PIWIL2: variants seen among roughly 807,000 people sequenced by gnomAD.
PIWIL2 encodes the protein piwi like RNA-mediated gene silencing 2, also known as piwi-like protein 2.
In PIWIL2, 81 loss-of-function variants were observed where a neutral mutation model predicts 116.5. That is an observed-to-expected ratio of 0.70 (90% CI 0.58 to 0.84). The LOEUF is 0.84. Ranked by LOEUF, PIWIL2 falls within the 40% of genes least tolerant of loss-of-function variation. The probability of loss-of-function intolerance (pLI) is 0.00; values close to 1 mark genes in which losing one functional copy is unlikely to be tolerated. For missense variants in PIWIL2, 1,272 were observed against 1,212.3 expected, an observed-to-expected ratio of 1.05 and a Z score of -0.73; for synonymous variants, 489 against 429.5, an observed-to-expected ratio of 1.14 and a Z score of -1.71.
Position 22,353,139 on chromosome 8 carries a change from C to G in PIWIL2, c.2584C>G (p.Leu862Val). 1 of 1,613,628 alleles carries G rather than the reference C, an allele frequency of 6.2e-7. No homozygotes were observed. Among genetic ancestry groups the G allele is most frequent in the African/African-American group, 1.3e-5 (1 of 75,034 alleles). The change falls in exon 21 of 23, where the codon CTG (leucine) becomes GTG (valine). Residue 862 changes from leucine (L) to valine (V), a missense_variant. Coordinates refer to ENST00000356766, the MANE Select transcript of PIWIL2 (RefSeq NM_018068.5). ...GAAGAAAATCAGTACTAATCTATAT[C>G]TGGCTGCTCCTCAGAACTTTGTAAC... The part of the protein sequence containing the change: ...VQKKISTNLY[L>V]AAPQNFVTPT...
chr8:22,352,620 G>T (rs1334513354), intron 20 of PIWIL2, among the ~76,000 whole-genome samples: 1 of 152,168 alleles, frequency 6.6e-6, no homozygotes, highest in Non-Finnish European at 1.5e-5. Flanking sequence ...TTAAATCCAA[G>T]TAGAAGGAAA....
At position 22,355,449 on chromosome 8, in the gene PIWIL2, C is replaced by T; in HGVS notation, c.2866C>T (p.His956Tyr). 3.1e-6 allele frequency: 5 copies of T among 1,614,144 alleles called. No homozygotes were observed. Among genetic ancestry groups the T allele is most frequent in the Non-Finnish European group, 3.4e-6 (4 of 1,179,988 alleles). The change falls in exon 23 of 23, where the codon CAC becomes TAC. Residue 956 changes from histidine (H) to tyrosine (Y), a missense_variant. Physicochemically the swap from His to Tyr is moderately conservative, Grantham distance 83. Coordinates refer to ENST00000356766, the MANE Select transcript of PIWIL2 (RefSeq NM_018068.5). ...CCACAAGCTAGCTTTCCTGTCAGGA[C>T]ACATCTTGCATCATGAACCAGCCAT... is the stretch of plus-strand genomic sequence containing the variant. ...YAHKLAFLSGHILHHEPAIQL... is the reference protein window; with the variant it reads ...YAHKLAFLSGYILHHEPAIQL...
Position 22,356,086 on chromosome 8 carries a change from A to AAAGCC in PIWIL2, c.*584_*588dup, listed in dbSNP as rs1431295817. ...GACTCTGTCTCAAAAAAAAAAAAAAAAAGCCAACATGAGCTGCAGAAACCA... is the reference window on the plus strand; with the variant it reads ...GACTCTGTCTCAAAAAAAAAAAAAAAAAGCCAAGCCAACATGAGCTGCAGAAACCA... On this transcript the variant is annotated 3_prime_UTR_variant, in exon 23 of 23. Coordinates refer to ENST00000356766, the MANE Select transcript of PIWIL2 (RefSeq NM_018068.5). 2.0e-5 allele frequency: 3 copies of AAAGCC among 152,510 alleles called. No individual in the cohort carries two copies. The highest frequency in any genetic ancestry group is 6.5e-5 in the Admixed American group (1 of 15,312). 9.4% of individuals were successfully genotyped at this position (152,510 alleles called of 1,614,324 possible).
At chr8:22,341,721 A>G (rs1832114920) in intron 20 of PIWIL2, among the ~76,000 whole-genome samples, 1 of 152,166 alleles carries the variant, frequency 6.6e-6, no homozygotes. Context: ...CTTTCCCCCT[A>G]AGATAGATGC....
At chr8:22,323,236 C>T (rs994643447) in intron 20 of PIWIL2, among the ~76,000 whole-genome samples, 14 of 151,252 alleles carry the variant, frequency 9.3e-5, no homozygotes, top group Non-Finnish European at 2.1e-4. Context: ...CAACCTCCGC[C>T]TCCCGGGTTC....
chr8:22,313,843 G>C (rs552369202), intron 16 of PIWIL2, among the ~76,000 whole-genome samples: 1 of 152,236 alleles, frequency 6.6e-6, no homozygotes, highest in South Asian at 2.1e-4. Context: ...TCATGAATTT[G>C]GCAATAGCTT....
At chr8:22,339,490 G>A (rs1046087514) in intron 20 of PIWIL2, among the ~76,000 whole-genome samples, 9 of 150,010 alleles carry the variant, frequency 6.0e-5, no homozygotes, top group Non-Finnish European at 1.3e-4. Context: ...CCTGGTGACA[G>A]AGTGAGACTC....
chr8:22,308,113 GAC>G (rs767500917), intron 14 of PIWIL2, 40 bp downstream of exon 14: 1 of 1,523,736 alleles, frequency 6.6e-7, no homozygotes, highest in Non-Finnish European at 9.0e-7. Context: ...CATGTACAGA[GAC>G]ACGTGTGCAA....
At chr8:22,291,576 C>T (rs1830768772) in intron 10 of PIWIL2, among the ~76,000 whole-genome samples, 1 of 152,088 alleles carries the variant, frequency 6.6e-6, no homozygotes, top group Non-Finnish European at 1.5e-5. Flanking sequence ...ATTCTAAATC[C>T]TTTTAATATA....
chr8:22,324,213 G>C (rs1389883342), intron 20 of PIWIL2, among the ~76,000 whole-genome samples: 1 of 152,214 alleles, frequency 6.6e-6, no homozygotes, highest in African/African-American at 2.4e-5. Flanking sequence ...AGTGTGCCAA[G>C]ATCACGCCAC....
intron 7 of PIWIL2, 26 bp downstream of exon 7, chr8:22,287,671 T>G: frequency 7.3e-7 from 1 of 1,372,044 alleles, no homozygotes; most frequent in Non-Finnish European, 1.0e-6. Flanking sequence ...AAATGGACTT[T>G]GAGATGAACC....
chr8:22,350,657 A>T (rs915190555), intron 20 of PIWIL2, among the ~76,000 whole-genome samples: 1 of 152,130 alleles, frequency 6.6e-6, no homozygotes, highest in Non-Finnish European at 1.5e-5. Context: ...GATGAATTAC[A>T]TACTTGTAAA....
At chr8:22,354,805 C>A (rs143157101) in intron 22 of PIWIL2, among the ~76,000 whole-genome samples, 1 of 152,226 alleles carries the variant, frequency 6.6e-6, no homozygotes, top group African/African-American at 2.4e-5. Context: ...TGCGGTGGCT[C>A]ACGCCTATAA....
In PIWIL2 at chr8:22,314,844, T is replaced by G. The variant is rs1479800387; in HGVS notation, c.2092-185T>G. Among the ~76,000 whole-genome samples the G allele has an allele frequency of 2.0e-5, 3 of 152,168 alleles. No homozygotes were observed. In the East Asian group the frequency reaches 5.8e-4, roughly 29 times the overall value. On this transcript the variant is annotated intron_variant, in intron 17 of 22. Transcript: ENST00000356766. ...TGGTGTGTGTGTATGTGTGTGTGTG[T>G]GTGTTGTATTTTGCCCATGTGCATG...
chr8:22,341,310 A>G (rs1832102668), intron 20 of PIWIL2, among the ~76,000 whole-genome samples: 1 of 151,974 alleles, frequency 6.6e-6, no homozygotes, highest in South Asian at 2.1e-4. Context: ...AAAAAAAAAA[A>G]AAAGTCCAGG....
rs10102412 is a variant in PIWIL2 at position 22,304,669 on chromosome 8, A to G, written c.1371-115A>G. ...ATGATCGGTTTGCAGTGGCTCCTTG[A>G]CAAGAGTATTATGCAAATTATATAC... On this transcript the variant is annotated intron_variant, in intron 11 of 22. Transcript: ENST00000356766. 2,831 of 597,270 alleles carry G rather than the reference A, an allele frequency of 4.7e-3. 74 individuals carry two copies. The highest frequency in any genetic ancestry group is 0.045 in the African/African-American group (2,439 of 54,664). The allele number at this position is 597,270 out of a possible 1,614,324, so 37.0% of individuals were successfully genotyped here.
At chr8:22,336,323 A>G (rs1831980958) in intron 20 of PIWIL2, among the ~76,000 whole-genome samples, 1 of 152,242 alleles carries the variant, frequency 6.6e-6, no homozygotes, top group South Asian at 2.1e-4. Context: ...GAAATAAAGG[A>G]AATTTGGGAA....
At chr8:22,292,470 G>A (rs2132005420) in intron 10 of PIWIL2, among the ~76,000 whole-genome samples, 1 of 152,376 alleles carries the variant, frequency 6.6e-6, no homozygotes, top group East Asian at 1.9e-4. Flanking sequence ...CTGAGTGCAT[G>A]TGGGATAAGA....
At chr8:22,312,825 G>A (rs1399906694) in intron 16 of PIWIL2, among the ~76,000 whole-genome samples, 1 of 151,984 alleles carries the variant, frequency 6.6e-6, no homozygotes, top group Non-Finnish European at 1.5e-5. Context: ...ATTTTTTGTA[G>A]AGATGGGGTC....
Sources: gnomAD v4.1 joint callset for allele counts (sites outside exome capture counted in the v4.1 genomes callset) on GRCh38, gnomAD v4.1.1 for gene constraint, MANE v1.5 for transcripts, NCBI Gene and HGNC (gene_info 2026-07-23, HGNC 2026-07-21) for gene names.